LRRK1: variants seen among roughly 807,000 people sequenced by gnomAD.
LRRK1 encodes the protein leucine-rich repeat serine/threonine-protein kinase 1.
A neutral mutation model predicts 209.1 loss-of-function variants in LRRK1; 113 were observed. That is an observed-to-expected ratio of 0.54 (90% confidence interval 0.46 to 0.63). LRRK1 has a LOEUF of 0.63. LRRK1 is among the 30% of genes least tolerant of loss of function. The probability of loss-of-function intolerance (pLI) is 0.00; values close to 1 mark genes in which losing one functional copy is unlikely to be tolerated. For missense variants in LRRK1, 2,284 were observed against 2,632.2 expected (o/e 0.87, Z 2.89); for synonymous variants, 1,144 against 1,099.7 (o/e 1.04, Z -0.80).
intron 4 of LRRK1, among the ~76,000 whole-genome samples, chr15:100,985,150 A>AGG (rs33983082): frequency 0.93 from 141,181 of 152,092 alleles, 65,772 homozygotes; most frequent in East Asian, 1. Flanking sequence ...ATGTGTCTGA[A>AGG]CAGAATGAGG....
chr15:100,951,781 G>A (rs1430908509), intron 2 of LRRK1, among the ~76,000 whole-genome samples: 1 of 151,852 alleles, frequency 6.6e-6, no homozygotes, highest in East Asian at 1.9e-4. Context: ...GTGAAATCCT[G>A]TTTCTACTAA....
At position 100,989,119 on chromosome 15, in the gene LRRK1, G is replaced by C. The variant is rs1007479582; in HGVS notation, c.614-131G>C. On this transcript the variant is annotated intron_variant, in intron 5 of 33. Transcript: ENST00000388948. The stretch of plus-strand genomic sequence containing the variant: ...ACTAACAGAAACTTGATGCACCAAG[G>C]GAAGTAAATAGAGAAGTCCAACATG... 8 of 841,772 alleles carry C rather than the reference G, an allele frequency of 9.5e-6. No homozygotes were observed. The East Asian group carries it at 2.0e-4, about 21-fold the overall frequency. 52.1% of individuals were successfully genotyped at this position (841,772 alleles called of 1,614,324 possible).
chr15:100,970,627 T>C (rs1365906086), intron 2 of LRRK1, among the ~76,000 whole-genome samples: 1 of 152,196 alleles, frequency 6.6e-6, no homozygotes, highest in Non-Finnish European at 1.5e-5. Flanking sequence ...TCTCCAACTC[T>C]CTTCTTTTTC....
At chr15:100,997,022 G>T (rs1403864085) in intron 6 of LRRK1, among the ~76,000 whole-genome samples, 2 of 151,166 alleles carry the variant, frequency 1.3e-5, no homozygotes, top group African/African-American at 4.9e-5. Flanking sequence ...ACAAGTTAGC[G>T]TTAAGCTTTG....
At position 100,928,396 on chromosome 15, in the gene LRRK1, C is replaced by T. The variant is rs368882351; in HGVS notation, c.97+3667C>T. Among the ~76,000 whole-genome samples, 5 of 152,282 alleles carry T rather than the reference C, an allele frequency of 3.3e-5. No individual in the cohort carries two copies. In the East Asian group the frequency reaches 9.6e-4, roughly 29 times the overall value. On this transcript the variant is annotated intron_variant, in intron 2 of 33. Transcript: ENST00000388948. ...CCCATCCCACCTTCTCCTAGACTTC[C>T]TGGGATGATAGGGAGCCCTGTTTCC...
intron 2 of LRRK1, among the ~76,000 whole-genome samples, chr15:100,929,979 G>A (rs1200717478): frequency 6.6e-6 from 1 of 152,234 alleles, no homozygotes; most frequent in East Asian, 1.9e-4. Context: ...AGCTACAGAT[G>A]CTCCAGGCCC....
rs952985739 is a variant in LRRK1, at chr15:101,074,042, C to A, written c.*5194C>A. 4 of 152,142 alleles carry A rather than the reference C, an allele frequency of 2.6e-5. No individual in the cohort carries two copies. Among genetic ancestry groups the A allele is most frequent in the Non-Finnish European group, 2.9e-5 (2 of 67,994 alleles). The allele number at this position is 152,142 out of a possible 1,614,324, so 9.4% of individuals were successfully genotyped here. A position where few individuals can be genotyped will look rare whatever the true frequency, so the allele number is the denominator to read the frequency against. ...TGGGCAAATGGTCTGAGGTGCCTGA[C>A]GTCCAGGCGTTCTTTTACACATCAG... On this transcript the variant is annotated 3_prime_UTR_variant, in exon 34 of 34. Coordinates refer to ENST00000388948, the MANE Select transcript of LRRK1 (RefSeq NM_024652.6).
chr15:101,061,149 GCA>G lies in LRRK1; in HGVS notation c.4680-19_4680-18del, dbSNP rs536885186. 1.7e-5 allele frequency: 26 copies of G among 1,568,460 alleles called. No homozygotes were observed. The African/African-American group carries it at 3.5e-4, about 21-fold the overall frequency. On this transcript the variant is annotated intron_variant, in intron 29 of 33. Coordinates refer to ENST00000388948, the MANE Select transcript of LRRK1 (RefSeq NM_024652.6). The stretch of plus-strand genomic sequence containing the variant: ...AGCCCCTGGCCCCCGGGCACTGACA[GCA>G]CAGTTTCTGCCACTTACAGGAACTA...
chr15:100,988,672 GC>G lies in LRRK1; in HGVS notation c.474del (p.Leu159TrpfsTer11). On this transcript the variant is annotated frameshift_variant, in exon 5 of 34. Coordinates refer to ENST00000388948, the MANE Select transcript of LRRK1 (RefSeq NM_024652.6). LOFTEE classifies it high-confidence loss of function. ...CCAGCGGCTTCTGAACTGGATGCTG[GC>G]CTTGGCTTGCCAGCGAGGGCACCTG... ...SPQRLLNWMLALACQRGHLGV... is the reference protein window; with the variant it reads ...SPQRLLNWMLXLACQRGHLGV... 6.2e-7 allele frequency: 1 copy of G among 1,614,166 alleles called. No homozygotes were observed. Among genetic ancestry groups the G allele is most frequent in the Non-Finnish European group, 8.5e-7 (1 of 1,180,038 alleles).
At position 101,058,137 on chromosome 15, in the gene LRRK1, T is replaced by G. The variant is rs531262021; in HGVS notation, c.4675T>G (p.Ser1559Ala). ...TVVFWDGKEE[S>A]RNYTVVNTEK... ...GGTGTTTTGGGATGGAAAAGAGGAG[T>G]CCAGGTAAGCTCCTGCGGGCTGCCC... The change falls in exon 29 of 34, where the codon TCC becomes GCC. Residue 1559 changes from serine to alanine, a missense_variant. Ser to Ala is a moderately conservative substitution (Grantham distance 99). Coordinates refer to ENST00000388948, the MANE Select transcript of LRRK1 (RefSeq NM_024652.6). 8 of 1,613,778 alleles carry G rather than the reference T, an allele frequency of 5.0e-6. No individual in the cohort carries two copies. In the East Asian group the frequency reaches 1.3e-4, roughly 27 times the overall value.
At chr15:101,063,064 T>C (rs1275697274) in intron 31 of LRRK1, among the ~76,000 whole-genome samples, 2 of 152,146 alleles carry the variant, frequency 1.3e-5, no homozygotes, top group Non-Finnish European at 2.9e-5. Context: ...TCACAGCCAC[T>C]TGATCACCAG....
At chr15:101,002,281 T>C (rs1456198035) in intron 6 of LRRK1, among the ~76,000 whole-genome samples, 1 of 152,240 alleles carries the variant, frequency 6.6e-6, no homozygotes, top group Non-Finnish European at 1.5e-5. Flanking sequence ...GAGATCTTTC[T>C]TATACATCAG....
Position 100,983,615 on chromosome 15 carries a change from G to A in LRRK1, c.349G>A (p.Glu117Lys), listed in dbSNP as rs2031719556. ...LSKRLVELPT[E>K]PTDDNPAVVA... ...CAAGAGACTGGTGGAGCTGCCCACC[G>A]AGCCCACGGATGACAACCCAGCCGT... is the stretch of plus-strand genomic sequence containing the variant. The change falls in exon 4 of 34, where the codon GAG becomes AAG. Residue 117 changes from glutamate to lysine, a missense_variant. By Grantham distance (56) the Glu-to-Lys change is moderately conservative. Coordinates refer to ENST00000388948, the MANE Select transcript of LRRK1 (RefSeq NM_024652.6). 5.0e-6 allele frequency: 8 copies of A among 1,610,550 alleles called. No individual in the cohort carries two copies. The highest frequency in any genetic ancestry group is 4.4e-5 in the South Asian group (4 of 90,742).
intron 20 of LRRK1, among the ~76,000 whole-genome samples, chr15:101,041,702 A>C (rs995332196): frequency 2.6e-5 from 4 of 152,230 alleles, no homozygotes; most frequent in African/African-American, 9.6e-5. Context: ...TCTTCTATAC[A>C]GTAGTCCCCC....
chr15:101,065,321 G>A (rs1160331403), intron 31 of LRRK1, 31 bp from the exon 32 acceptor site: 1 of 1,600,504 alleles, frequency 6.2e-7, no homozygotes. Context: ...GAAATGGAAG[G>A]ATGTGACACA....
intron 22 of LRRK1, 140 bp from the exon 23 acceptor site, chr15:101,049,504 G>A: frequency 1.1e-6 from 1 of 905,694 alleles, no homozygotes; most frequent in African/African-American, 1.7e-5. Flanking sequence ...CATACAGGGA[G>A]GAGTCCCCCA....
In LRRK1 at chr15:101,051,657, G is replaced by A. The variant is rs1347753200; in HGVS notation, c.3440-54G>A. The A allele has an allele frequency of 4.4e-6, 7 of 1,583,506 alleles. No homozygotes were observed. The East Asian group carries it at 1.6e-4, about 35-fold the overall frequency. On this transcript the variant is annotated intron_variant, in intron 23 of 33. Transcript: ENST00000388948. ...CTGGGGTGCAGAGTGCTGCTCGGGG[G>A]GCCCTCCTGCACCACCTTCTTGTGA...
At chr15:101,061,422 G>A (rs1056867632) in intron 30 of LRRK1, 134 bp downstream of exon 30, 25 of 632,260 alleles carry the variant, frequency 4.0e-5, no homozygotes, top group Middle Eastern at 4.3e-4. Flanking sequence ...GCGCATCCCC[G>A]TGCAGTCCCC....
chr15:100,984,134 G>C (rs2031745637), intron 4 of LRRK1, among the ~76,000 whole-genome samples: 1 of 152,154 alleles, frequency 6.6e-6, no homozygotes, highest in Non-Finnish European at 1.5e-5. Context: ...CTTCTATTGA[G>C]ATGGGGACGC....
Sources: gnomAD v4.1 joint callset for allele counts (sites outside exome capture counted in the v4.1 genomes callset) on GRCh38, gnomAD v4.1.1 for gene constraint, MANE v1.5 for transcripts, NCBI Gene and HGNC (gene_info 2026-07-23, HGNC 2026-07-21) for gene names.